The following RASA3 variants were observed in gnomAD, a reference collection of about 807,000 sequenced individuals.
RASA3 encodes RAS p21 protein activator 3, also known as ras GTPase-activating protein 3.
Under a neutral mutation model 110.0 loss-of-function variants are expected in RASA3, and 73 were observed. That is an observed-to-expected ratio of 0.66 (90% CI 0.55 to 0.81). The LOEUF (loss-of-function observed/expected upper bound fraction) is 0.81, where lower values mean the gene tolerates loss of function less well. Ranked by LOEUF, RASA3 falls within the 30% of genes least tolerant of loss-of-function variation. The pLI is 0.00. For synonymous variants in RASA3, 500 were observed against 451.4 expected (o/e 1.11, Z -1.37); for missense variants, 976 against 1,113.2 (o/e 0.88, Z 1.75).
chr13:114,038,707 G>A (rs1402493242), intron 4 of RASA3, among the ~76,000 whole-genome samples: 3 of 137,400 alleles, frequency 2.2e-5, no homozygotes, highest in African/African-American at 5.4e-5. Context: ...AGGGCAAGAC[G>A]GTTCCCAGAG....
intron 1 of RASA3, among the ~76,000 whole-genome samples, chr13:114,076,546 GCA>G (rs928084955): frequency 4.0e-5 from 6 of 151,624 alleles, no homozygotes; most frequent in Non-Finnish European, 5.9e-5. Flanking sequence ...AGGCAGCACC[GCA>G]CACACACGCA....
At chr13:114,052,023 G>A (rs966532716) in intron 3 of RASA3, 29 bp downstream of exon 3, 2 of 1,509,004 alleles carry the variant, frequency 1.3e-6, no homozygotes, top group Non-Finnish European at 9.2e-7. Flanking sequence ...AGGCAGAAAA[G>A]GGGAAGTAAA....
intron 1 of RASA3, among the ~76,000 whole-genome samples, chr13:114,106,345 A>G (rs1311589718): frequency 6.6e-6 from 1 of 152,214 alleles, no homozygotes; most frequent in African/African-American, 2.4e-5. Context: ...TTGAAAACTT[A>G]AAATTAGCTT....
At chr13:113,996,234 C>A (rs1262884616) in intron 21 of RASA3, among the ~76,000 whole-genome samples, 1 of 152,134 alleles carries the variant, frequency 6.6e-6, no homozygotes, top group African/African-American at 2.4e-5. Context: ...AGGATGGCCA[C>A]GGCCTGGGGA....
chr13:114,117,736 A>ACGTGTGT (rs2080310285), intron 1 of RASA3, among the ~76,000 whole-genome samples: 1 of 33,554 alleles, frequency 3.0e-5, no homozygotes, highest in Non-Finnish European at 6.6e-5. Flanking sequence ...GTGTGTGAGG[A>ACGTGTGT]GAGCACGTGT....
intron 21 of RASA3, among the ~76,000 whole-genome samples, chr13:113,993,663 C>G (rs1275325600): frequency 2.0e-4 from 30 of 151,532 alleles, no homozygotes; most frequent in Admixed American, 2.0e-3. Context: ...CAAAAATTAG[C>G]CAGGTGTGGT....
intron 1 of RASA3, among the ~76,000 whole-genome samples, chr13:114,102,920 G>A (rs983246475): frequency 6.6e-6 from 1 of 150,746 alleles, no homozygotes; most frequent in South Asian, 2.1e-4. Context: ...GGCAACACGG[G>A]GCCTGAGTCC....
chr13:114,079,606 G>A lies in RASA3; in HGVS notation c.56-5769C>T, dbSNP rs1389828489. On this transcript the variant is annotated intron_variant, in intron 1 of 23. Coordinates refer to ENST00000334062, the MANE Select transcript of RASA3 (RefSeq NM_007368.4). ...GGGCTATTTAGAAGCCTGGAACAGC[G>A]ATCCCAGCCCTGGCCCCTGGGATCC... Among the ~76,000 whole-genome samples the A allele has an allele frequency of 3.3e-5, 5 of 152,334 alleles. No individual in the cohort carries two copies. In the South Asian group the frequency reaches 6.2e-4, roughly 19 times the overall value.
rs562057137 is a variant in RASA3 at position 114,017,260 on chromosome 13, T to C, written c.1183A>G (p.Thr395Ala). 3.2e-5 allele frequency: 51 copies of C among 1,613,486 alleles called. No individual in the cohort carries two copies. The highest frequency in any genetic ancestry group is 4.2e-5 in the Non-Finnish European group (50 of 1,179,996). ...ACCTCCTCGATGGCGGGCTTCAGGGTGACATGCAGGTAATGCATCCCCGCC... is the reference window on the plus strand; with the variant it reads ...ACCTCCTCGATGGCGGGCTTCAGGGCGACATGCAGGTAATGCATCCCCGCC... ...KLAGMHYLHV[T>A]LKPAIEEICQ... The change falls in exon 12 of 24, where the codon ACC becomes GCC. Residue 395 changes from threonine (T) to alanine (A), a missense_variant. By Grantham distance (58) the Thr-to-Ala change is moderately conservative. Transcript: ENST00000334062.
intron 2 of RASA3, among the ~76,000 whole-genome samples, chr13:114,066,811 A>G (rs992030015): frequency 1.3e-5 from 2 of 152,228 alleles, no homozygotes; most frequent in Non-Finnish European, 2.9e-5. Context: ...AGACAGGACC[A>G]GGGGCTCTGA....
At chr13:114,110,975 C>T (rs2080210046) in intron 1 of RASA3, among the ~76,000 whole-genome samples, 1 of 152,042 alleles carries the variant, frequency 6.6e-6, no homozygotes, top group African/African-American at 2.4e-5. Flanking sequence ...TGTCATAATC[C>T]AGGGCTGCTC....
chr13:114,105,903 A>G (rs940219437), intron 1 of RASA3, among the ~76,000 whole-genome samples: 9 of 152,278 alleles, frequency 5.9e-5, no homozygotes, highest in African/African-American at 2.2e-4. Flanking sequence ...AGCGTGGGGG[A>G]AAGGAAGCGG....
intron 21 of RASA3, among the ~76,000 whole-genome samples, chr13:113,995,211 C>T (rs1248119321): frequency 6.6e-6 from 1 of 152,222 alleles, no homozygotes; most frequent in African/African-American, 2.4e-5. Flanking sequence ...TGGGGACAGG[C>T]CAGGTTTTCT....
At chr13:114,113,118 A>T (rs963984625) in intron 1 of RASA3, among the ~76,000 whole-genome samples, 11 of 152,186 alleles carry the variant, frequency 7.2e-5, no homozygotes, top group Non-Finnish European at 1.6e-4. Flanking sequence ...CATAAGCCAC[A>T]TGCCAAGTCC....
intron 7 of RASA3, among the ~76,000 whole-genome samples, chr13:114,026,109 A>AC (rs1165449818): frequency 6.6e-6 from 1 of 152,224 alleles, no homozygotes; most frequent in Non-Finnish European, 1.5e-5. Flanking sequence ...GTAGGCTGAG[A>AC]CCCACGTCTT....
Position 114,129,559 on chromosome 13 carries a change from C to T in RASA3, c.55+2876G>A, listed in dbSNP as rs7336856. On this transcript the variant is annotated intron_variant, in intron 1 of 23. Transcript: ENST00000334062. ...ATTTAAGAATTTAAATGGCCAATGC[C>T]CCTATACCTTAAAAAAAGCTCCCAA... Among the ~76,000 whole-genome samples, 318 of 152,246 alleles carry T rather than the reference C, an allele frequency of 2.1e-3. 3 individuals are homozygous for T. Among genetic ancestry groups the T allele is most frequent in the African/African-American group, 7.2e-3 (301 of 41,542 alleles).
chr13:114,015,568 C>G (rs2053772037), intron 13 of RASA3, among the ~76,000 whole-genome samples: 2 of 152,256 alleles, frequency 1.3e-5, no homozygotes, highest in Admixed American at 1.3e-4. Context: ...TCGGCCCCGA[C>G]CTCGTTTACT....
intron 14 of RASA3, 25 bp from the exon 15 acceptor site, chr13:114,013,273 C>A (rs761628369): frequency 6.3e-7 from 1 of 1,582,614 alleles, no homozygotes; most frequent in Non-Finnish European, 8.6e-7. Flanking sequence ...AGCAGGGTGA[C>A]CGTTTTCCTC....
Position 114,056,421 on chromosome 13 carries a change from C to T in RASA3, c.174-4266G>A, listed in dbSNP as rs565510040. 341 of 983,088 alleles carry T rather than the reference C, an allele frequency of 3.5e-4. No homozygotes were observed. In the African/African-American group the frequency reaches 5.2e-3, roughly 15 times the overall value. The allele number at this position is 983,088 out of a possible 1,614,324, so 60.9% of individuals were successfully genotyped here. A position where few individuals can be genotyped will look rare whatever the true frequency, so the allele number is the denominator to read the frequency against. ...CACCCTGATGCACAGGGTGGGAAACCGAGGCACTCCAACATCTGATGAAAC... is the reference window on the plus strand; with the variant it reads ...CACCCTGATGCACAGGGTGGGAAACTGAGGCACTCCAACATCTGATGAAAC... On this transcript the variant is annotated intron_variant, in intron 2 of 23. Coordinates refer to ENST00000334062, the MANE Select transcript of RASA3 (RefSeq NM_007368.4). The surrounding 1 kb of genome is among the most constrained non-coding windows in gnomAD (Gnocchi z 5.7).
Sources: gnomAD v4.1 joint callset for allele counts (sites outside exome capture counted in the v4.1 genomes callset) on GRCh38, gnomAD v4.1.1 for gene constraint, Gnocchi (gnomAD v3.1) non-coding constraint, MANE v1.5 for transcripts, NCBI Gene and HGNC (gene_info 2026-07-23, HGNC 2026-07-21) for gene names.